The following AKAP6 variants were observed in gnomAD, a reference collection of about 807,000 sequenced individuals.
AKAP6 encodes A-kinase anchoring protein 6.
Under a neutral mutation model 188.5 loss-of-function variants are expected in AKAP6, and 58 were observed. The ratio of observed to expected loss-of-function variants is 0.31; its 90% confidence interval spans 0.25 to 0.38. The LOEUF (loss-of-function observed/expected upper bound fraction) is 0.38, where lower values mean the gene tolerates loss of function less well. Ranked by LOEUF, AKAP6 falls within the 10% of genes least tolerant of loss-of-function variation. AKAP6 has a pLI of 1.00. For synonymous variants in AKAP6, 989 were observed against 998.6 expected (o/e 0.99, Z 0.18); for missense variants, 2,710 against 2,740.0 (o/e 0.99, Z 0.24).
chr14:32,390,922 A>G (rs923136825), intron 1 of AKAP6, among the ~76,000 whole-genome samples: 2 of 152,106 alleles, frequency 1.3e-5, no homozygotes, highest in Admixed American at 1.3e-4. Context: ...CCTGTCCGCC[A>G]TGATCCCCCA....
chr14:32,622,542 C>T (rs1886856696), intron 7 of AKAP6, among the ~76,000 whole-genome samples: 1 of 152,148 alleles, frequency 6.6e-6, no homozygotes, highest in African/African-American at 2.4e-5. Context: ...TTCTCTGCAT[C>T]TGTTTCATCA....
At position 32,833,326 on chromosome 14, in the gene AKAP6, A is replaced by G. The variant is rs181515642; in HGVS notation, c.*3521A>G. The G allele has an allele frequency of 2.3e-4, 35 of 152,342 alleles. No homozygotes were observed. The highest frequency in any genetic ancestry group is 7.9e-4 in the African/African-American group (33 of 41,588). The allele number at this position is 152,342 out of a possible 1,614,324, so 9.4% of individuals were successfully genotyped here. ...GAAAGTGCCTTTTGTGTCCTTGAAT[A>G]GAGTGATTATGACTTTTGTCTCAAT... is the stretch of plus-strand genomic sequence containing the variant. On this transcript the variant is annotated 3_prime_UTR_variant, in exon 14 of 14. Coordinates refer to ENST00000280979, the MANE Select transcript of AKAP6 (RefSeq NM_004274.5).
chr14:32,641,693 A>G (rs1189627298), intron 7 of AKAP6, among the ~76,000 whole-genome samples: 1 of 152,106 alleles, frequency 6.6e-6, no homozygotes, highest in African/African-American at 2.4e-5. Flanking sequence ...TGAGAGAAAT[A>G]ACAAGAGCTA....
chr14:32,776,905 C>T (rs1323414351), intron 12 of AKAP6, among the ~76,000 whole-genome samples: 1 of 152,098 alleles, frequency 6.6e-6, no homozygotes, highest in Non-Finnish European at 1.5e-5. Flanking sequence ...AAGGGCTACA[C>T]AGACAGGGCG....
Position 32,821,720 on chromosome 14 carries a change from C to T in AKAP6, c.3907C>T (p.Pro1303Ser). 1.9e-6 allele frequency: 3 copies of T among 1,613,734 alleles called. No homozygotes were observed. Among genetic ancestry groups the T allele is most frequent in the South Asian group, 2.2e-5 (2 of 91,064 alleles). ...NVELYEDNHM[P>S]FLKNNPKVTG... ...TGAACTCTATGAGGACAACCACATGCCATTTCTGAAAAACAATCCAAAGGT... is the reference window on the plus strand; with the variant it reads ...TGAACTCTATGAGGACAACCACATGTCATTTCTGAAAAACAATCCAAAGGT... Residue 1303 changes from proline to serine, a missense_variant, in exon 13 of 14, where the codon CCA (proline) becomes TCA (serine). Coordinates refer to ENST00000280979, the MANE Select transcript of AKAP6 (RefSeq NM_004274.5).
At chr14:32,384,241 G>T (rs910238905) in intron 1 of AKAP6, among the ~76,000 whole-genome samples, 14 of 152,166 alleles carry the variant, frequency 9.2e-5, no homozygotes, top group African/African-American at 3.4e-4. Flanking sequence ...TGGGAGGAGG[G>T]CTTTCTTTCT....
At chr14:32,455,028 T>C (rs895316403) in intron 2 of AKAP6, among the ~76,000 whole-genome samples, 3 of 150,814 alleles carry the variant, frequency 2.0e-5, no homozygotes, top group Non-Finnish European at 2.9e-5. Flanking sequence ...TGTGGTAGCA[T>C]GACCATGGCT....
intron 5 of AKAP6, among the ~76,000 whole-genome samples, chr14:32,584,679 G>A (rs1373307598): frequency 6.6e-6 from 1 of 151,002 alleles, no homozygotes; most frequent in Non-Finnish European, 1.5e-5. Flanking sequence ...TCCTTGATCT[G>A]CTTTATGACA....
chr14:32,435,191 G>T (rs1240957560), intron 2 of AKAP6, among the ~76,000 whole-genome samples: 1 of 152,068 alleles, frequency 6.6e-6, no homozygotes, highest in Non-Finnish European at 1.5e-5. Flanking sequence ...CCCCTCCAAG[G>T]CTACCCTTAC....
rs116211264 is a variant in AKAP6 at position 32,823,371 on chromosome 14, T to C, written c.5558T>C (p.Val1853Ala). 5.9e-4 allele frequency: 954 copies of C among 1,613,824 alleles called. 6 individuals are homozygous for C. The African/African-American group carries it at 0.011, about 19-fold the overall frequency. ...LNIETLLNGS[V>A]KRVSENNGNG... ...ATTGAGACCCTTCTAAATGGCTCTG[T>C]AAAACGTGTCTCTGAAAATAATGGA... is the stretch of plus-strand genomic sequence containing the variant. The change falls in exon 13 of 14, where the codon GTA (valine) becomes GCA (alanine). Residue 1853 changes from valine (V) to alanine (A), a missense_variant. Val to Ala is a moderately conservative substitution (Grantham distance 64, BLOSUM62 0). Coordinates refer to ENST00000280979, the MANE Select transcript of AKAP6 (RefSeq NM_004274.5).
intron 2 of AKAP6, among the ~76,000 whole-genome samples, chr14:32,462,720 A>G (rs1286994868): frequency 3.3e-5 from 5 of 152,104 alleles, no homozygotes; most frequent in African/African-American, 1.2e-4. Flanking sequence ...AAATTCACAC[A>G]TAACAATATT....
chr14:32,457,827 T>C (rs779209244), intron 2 of AKAP6, among the ~76,000 whole-genome samples: 14 of 152,238 alleles, frequency 9.2e-5, no homozygotes, highest in Non-Finnish European at 1.5e-4. Flanking sequence ...GGGACCCATA[T>C]CATGCCAAAG....
intron 7 of AKAP6, among the ~76,000 whole-genome samples, chr14:32,649,789 TA>T (rs1566625415): frequency 6.6e-6 from 1 of 152,158 alleles, no homozygotes; most frequent in Non-Finnish European, 1.5e-5. Flanking sequence ...CAGAATAATA[TA>T]AAAAAGTAAG....
chr14:32,685,287 A>G (rs1213786169), intron 8 of AKAP6, among the ~76,000 whole-genome samples: 1 of 152,086 alleles, frequency 6.6e-6, no homozygotes, highest in Non-Finnish European at 1.5e-5. Context: ...CTTAATTAAG[A>G]AAGGGGAAAA....
chr14:32,682,092 A>G (rs1012213537), intron 8 of AKAP6, among the ~76,000 whole-genome samples: 8 of 152,020 alleles, frequency 5.3e-5, no homozygotes, highest in Non-Finnish European at 1.0e-4. Flanking sequence ...GGGAGGGCTC[A>G]TTGAAGGCAG....
Position 32,824,480 on chromosome 14 carries a change from G to A in AKAP6, c.6667G>A (p.Glu2223Lys), listed in dbSNP as rs768552118. ...AAGTCCTTCCTCTCAGGAAAGAGCT[G>A]AGGTTGGAAAGGAAGTGAATGGTTT... ...LSSPSSQERA[E>K]VGKEVNGLPQ... The change falls in exon 13 of 14, where the codon GAG becomes AAG. Residue 2223 changes from glutamate (E) to lysine (K), a missense_variant. Transcript: ENST00000280979. 6.2e-7 allele frequency: 1 copy of A among 1,614,012 alleles called. No homozygotes were observed. Among genetic ancestry groups the A allele is most frequent in the Middle Eastern group, 1.6e-4 (1 of 6,062 alleles).
At chr14:32,622,477 GC>G (rs1435522176) in intron 7 of AKAP6, among the ~76,000 whole-genome samples, 1 of 151,840 alleles carries the variant, frequency 6.6e-6, no homozygotes, top group Non-Finnish European at 1.5e-5. Context: ...ATAACCATAA[GC>G]CATAAGAAAA....
At chr14:32,454,503 T>C (rs1046253853) in intron 2 of AKAP6, among the ~76,000 whole-genome samples, 2 of 152,202 alleles carry the variant, frequency 1.3e-5, no homozygotes, top group African/African-American at 4.8e-5. Flanking sequence ...AAAGCAGTAG[T>C]TGGTCTTGCA....
chr14:32,462,901 C>CAAAAAAAA (rs71143943), intron 2 of AKAP6, among the ~76,000 whole-genome samples: 12 of 8,834 alleles, frequency 1.4e-3, no homozygotes, highest in African/African-American at 3.6e-3. Flanking sequence ...AAATGGAAAG[C>CAAAAAAAA]AAAAAAAAAA....
Sources: allele counts gnomAD v4.1 joint callset (sites outside exome capture counted in the v4.1 genomes callset), GRCh38; gene constraint gnomAD v4.1.1; transcripts MANE v1.5; gene names NCBI Gene and HGNC (gene_info 2026-07-23, HGNC 2026-07-21).